Variants in SCHIP1 observed in about 807,000 individuals in gnomAD.
SCHIP1 encodes schwannomin interacting protein 1, also known as schwannomin-interacting protein 1.
A neutral mutation model predicts 29.7 loss-of-function variants in SCHIP1; 8 were observed. The ratio of observed to expected loss-of-function variants is 0.27; its 90% CI spans 0.16 to 0.49. The LOEUF (loss-of-function observed/expected upper bound fraction) is 0.49. SCHIP1 is among the 20% of genes least tolerant of loss of function. The probability of loss-of-function intolerance (pLI) is 0.99; values close to 1 mark genes in which losing one functional copy is unlikely to be tolerated. For missense variants in SCHIP1, 193 were observed against 294.6 expected (o/e 0.66, Z 2.52); for synonymous variants, 76 against 94.9 (o/e 0.80, Z 1.16).
the SCHIP1 span, among the ~76,000 whole-genome samples, chr3:159,393,752 C>T: frequency 1.4e-4 from 21 of 150,952 alleles, no homozygotes; most frequent in Admixed American, 5.3e-4. Flanking sequence ...TAGTGTGATG[C>T]CTCCAGCTTT....
At chr3:159,325,899 A>T in the SCHIP1 span, among the ~76,000 whole-genome samples, 302 of 152,212 alleles carry the variant, frequency 2.0e-3, 5 homozygotes, top group East Asian at 0.053. Flanking sequence ...AAAAGTTTGC[A>T]TTACTGTAGT....
the SCHIP1 span, among the ~76,000 whole-genome samples, chr3:159,309,647 C>T: frequency 6.6e-6 from 1 of 152,240 alleles, no homozygotes; most frequent in African/African-American, 2.4e-5. Flanking sequence ...CTTCTTCCTC[C>T]TTGTTCATCT....
At chr3:159,787,341 GCTTTTT>G in the SCHIP1 span, among the ~76,000 whole-genome samples, 1 of 152,122 alleles carries the variant, frequency 6.6e-6, no homozygotes, top group Non-Finnish European at 1.5e-5. Context: ...ATCTCCCTCG[GCTTTTT>G]CCATCACACT....
chr3:159,426,570 A>G, the SCHIP1 span, among the ~76,000 whole-genome samples: 1 of 152,208 alleles, frequency 6.6e-6, no homozygotes, highest in Non-Finnish European at 1.5e-5. Flanking sequence ...AGAGTCCAGG[A>G]TCAGATGGAT....
At chr3:159,416,429 T>C in the SCHIP1 span, among the ~76,000 whole-genome samples, 1 of 152,238 alleles carries the variant, frequency 6.6e-6, no homozygotes, top group African/African-American at 2.4e-5. Flanking sequence ...TTCTATGACA[T>C]AGACATCTTA....
chr3:159,310,931 A>G, the SCHIP1 span, among the ~76,000 whole-genome samples: 1 of 152,174 alleles, frequency 6.6e-6, no homozygotes, highest in Admixed American at 6.6e-5. Context: ...TCCATCTTCA[A>G]AATGACAAGG....
chr3:159,517,843 C>T, the SCHIP1 span, among the ~76,000 whole-genome samples: 2 of 151,976 alleles, frequency 1.3e-5, no homozygotes, highest in Non-Finnish European at 2.9e-5. Context: ...ACAGAAAAAA[C>T]AGCTTTAGCA....
At chr3:159,828,401 A>G in the SCHIP1 span, among the ~76,000 whole-genome samples, 1 of 54,688 alleles carries the variant, frequency 1.8e-5, no homozygotes, top group African/African-American at 8.5e-5. Context: ...ATATACGTAT[A>G]TATATACGTA....
chr3:159,851,761 G>A (rs889777945), intron 1 of SCHIP1, among the ~76,000 whole-genome samples: 1 of 152,164 alleles, frequency 6.6e-6, no homozygotes, highest in African/African-American at 2.4e-5. Context: ...CCACAGCCCC[G>A]GGAAGCATTC....
At chr3:159,572,076 A>G in the SCHIP1 span, among the ~76,000 whole-genome samples, 1 of 152,090 alleles carries the variant, frequency 6.6e-6, no homozygotes, top group Non-Finnish European at 1.5e-5. Context: ...TCAAAAAACC[A>G]GCTCCTGGAT....
At chr3:159,888,882 G>C in exon 5 of SCHIP1, 1 of 1,614,112 alleles carries the variant, frequency 6.2e-7, no homozygotes. Flanking sequence ...CCACCGACCT[G>C]AGAGACATGA....
the SCHIP1 span, among the ~76,000 whole-genome samples, chr3:159,300,060 T>G: frequency 6.7e-6 from 1 of 149,768 alleles, no homozygotes. Context: ...TTGCCTCCTT[T>G]GTCTGTAGCC....
the SCHIP1 span, among the ~76,000 whole-genome samples, chr3:159,791,068 A>C: frequency 6.6e-6 from 1 of 152,126 alleles, no homozygotes; most frequent in Admixed American, 6.5e-5. Flanking sequence ...CTTCTTATGA[A>C]ACACAATTGA....
the SCHIP1 span, among the ~76,000 whole-genome samples, chr3:159,711,942 TTGCTGCTGCTGCTGC>T: frequency 2.8e-4 from 43 of 151,414 alleles, no homozygotes; most frequent in East Asian, 7.8e-3. Flanking sequence ...TAGGAAGATA[TTGCTGCTGCTGCTGC>T]TGCTGCTGCT....
chr3:159,513,953 T>A, the SCHIP1 span, among the ~76,000 whole-genome samples: 3 of 152,234 alleles, frequency 2.0e-5, no homozygotes, highest in African/African-American at 7.2e-5. Flanking sequence ...AAATATTGTG[T>A]CTGTTGGACA....
chr3:159,846,481 A>G (rs1711856043), intron 1 of SCHIP1, among the ~76,000 whole-genome samples: 1 of 152,232 alleles, frequency 6.6e-6, no homozygotes, highest in Non-Finnish European at 1.5e-5. Flanking sequence ...ACACCAGGAC[A>G]AGTGAGGACT....
the SCHIP1 span, chr3:159,764,969 C>T: frequency 1.7e-5 from 26 of 1,491,892 alleles, no homozygotes; most frequent in Admixed American, 2.5e-5. This position sits in a 1 kb window ranked among gnomAD's most constrained non-coding sequence, Gnocchi z 6.1. Context: ...GGCCGCGGCC[C>T]GGCGGCTGGG....
chr3:159,441,256 T>G, the SCHIP1 span, among the ~76,000 whole-genome samples: 1 of 152,182 alleles, frequency 6.6e-6, no homozygotes, highest in African/African-American at 2.4e-5. Context: ...ATGTTTCATT[T>G]GTGGATTGTT....
chr3:159,606,166 G>A, the SCHIP1 span, among the ~76,000 whole-genome samples: 1 of 152,160 alleles, frequency 6.6e-6, no homozygotes, highest in African/African-American at 2.4e-5. Flanking sequence ...GTCCCTCAAC[G>A]TTCAGATTTT....
Sources: allele counts gnomAD v4.1 joint callset (sites outside exome capture counted in the v4.1 genomes callset), GRCh38; gene constraint gnomAD v4.1.1; non-coding constraint Gnocchi (gnomAD v3.1); transcripts MANE v1.5; gene names NCBI Gene and HGNC (gene_info 2026-07-23, HGNC 2026-07-21).